The following EFCAB5 variants were observed in gnomAD, a reference collection of about 807,000 sequenced individuals.
EFCAB5 encodes the protein EF-hand calcium binding domain 5, also known as EF-hand calcium-binding domain-containing protein 5.
A neutral mutation model predicts 167.9 loss-of-function variants in EFCAB5; 131 were observed. The observed-to-expected ratio is 0.78, with a 90% confidence interval of 0.68 to 0.90. EFCAB5 has a LOEUF of 0.90. Among genes scored for constraint, EFCAB5 ranks in the 40% least tolerant of loss-of-function variants. EFCAB5 has a pLI of 0.00. For synonymous variants in EFCAB5, 574 were observed against 602.8 expected, an observed-to-expected ratio of 0.95 and a Z score of 0.70; for missense variants, 1,663 against 1,745.2, an observed-to-expected ratio of 0.95 and a Z score of 0.84.
In EFCAB5 at chr17:30,092,116, G is replaced by T. The variant is rs747938047; in HGVS notation, c.4183G>T (p.Glu1395Ter). ...AVILFFHPEL[E>*]FSSDFGSWDK... The stretch of plus-strand genomic sequence containing the variant: ...TATCTTGTTCTTTCATCCAGAGTTG[G>T]AATTTTCAAGTGACTTTGGAAGTTG... The change falls in exon 21 of 23, where the codon GAA (glutamate) becomes TAA (stop). Residue 1395 changes from glutamate (E) to a stop codon, truncating the protein, a stop_gained. Transcript: ENST00000394835. LOFTEE classifies it high-confidence loss of function. 1 of 1,613,730 alleles carries T rather than the reference G, an allele frequency of 6.2e-7. No homozygotes were observed. The highest frequency in any genetic ancestry group is 8.5e-7 in the Non-Finnish European group (1 of 1,179,702).
chr17:30,093,610 T>C (rs2071241558), intron 22 of EFCAB5, among the ~76,000 whole-genome samples: 2 of 152,208 alleles, frequency 1.3e-5, no homozygotes, highest in Non-Finnish European at 2.9e-5. Flanking sequence ...AGTTTCTGGA[T>C]TAACGGGGAA....
At chr17:30,043,922 A>G (rs2069845265) in intron 8 of EFCAB5, among the ~76,000 whole-genome samples, 1 of 152,206 alleles carries the variant, frequency 6.6e-6, no homozygotes, top group African/African-American at 2.4e-5. Flanking sequence ...AGCCAAAACC[A>G]TGTTGACAAA....
intron 22 of EFCAB5, among the ~76,000 whole-genome samples, chr17:30,094,525 A>T (rs560248167): frequency 2.0e-5 from 3 of 150,384 alleles, no homozygotes; most frequent in African/African-American, 7.4e-5. Context: ...AAAAAAAAAA[A>T]AAAAAAAAAT....
At position 30,000,082 on chromosome 17, in the gene EFCAB5, A is replaced by T. The variant is rs569501152; in HGVS notation, c.1044+106A>T. 2.2e-5 allele frequency: 16 copies of T among 742,978 alleles called. No individual in the cohort carries two copies. The African/African-American group carries it at 2.5e-4, about 12-fold the overall frequency. 46.0% of individuals were successfully genotyped at this position (742,978 alleles called of 1,614,324 possible). On this transcript the variant is annotated intron_variant, in intron 7 of 22. Coordinates refer to ENST00000394835, the MANE Select transcript of EFCAB5 (RefSeq NM_198529.4). ...AAATTAGTATTAAATGAAAGCACAA[A>T]ACTTATTTTATACATTCTAAAATAT...
intron 7 of EFCAB5, among the ~76,000 whole-genome samples, chr17:30,016,901 C>A (rs955017365): frequency 3.3e-5 from 5 of 151,976 alleles, no homozygotes; most frequent in African/African-American, 1.2e-4. Context: ...TAACAGCCAG[C>A]CACAGTGGCT....
intron 3 of EFCAB5, among the ~76,000 whole-genome samples, chr17:29,963,061 C>A (rs568070814): frequency 4.6e-5 from 7 of 152,162 alleles, no homozygotes; most frequent in African/African-American, 1.7e-4. Flanking sequence ...CCCACCTTAG[C>A]CCCCCAAGTA....
At position 30,053,680 on chromosome 17, in the gene EFCAB5, C is replaced by A. The variant is rs1268504543; in HGVS notation, c.1726C>A (p.Gln576Lys). The A allele has an allele frequency of 6.2e-7, 1 of 1,613,826 alleles. No individual in the cohort carries two copies. Among genetic ancestry groups the A allele is most frequent in the African/African-American group, 1.3e-5 (1 of 74,890 alleles). The change falls in exon 10 of 23, where the codon CAA becomes AAA. Residue 576 changes from glutamine (Q) to lysine (K), a missense_variant. Transcript: ENST00000394835. ...QETHRESTTE[Q>K]GQHKGSIEGQ... ...AACACACAGAGAGTCAACTACAGAA[C>A]AAGGACAGCACAAAGGGTCAATAGA...
At chr17:30,042,561 A>G (rs183677196) in intron 8 of EFCAB5, among the ~76,000 whole-genome samples, 2 of 152,314 alleles carry the variant, frequency 1.3e-5, no homozygotes, top group Admixed American at 1.3e-4. Context: ...AATTCCTTAA[A>G]AGACACAAAT....
At chr17:30,042,186 T>C (rs2069792230) in intron 8 of EFCAB5, among the ~76,000 whole-genome samples, 1 of 152,066 alleles carries the variant, frequency 6.6e-6, no homozygotes, top group African/African-American at 2.4e-5. Context: ...TTTTTGTATT[T>C]TTAATAGAGA....
At chr17:29,930,985 A>T (rs897491247) in intron 1 of EFCAB5, among the ~76,000 whole-genome samples, 4 of 152,142 alleles carry the variant, frequency 2.6e-5, no homozygotes, top group African/African-American at 4.8e-5. Flanking sequence ...CTTCGTCTCT[A>T]AATGTCATTC....
At chr17:29,992,705 G>A (rs1441144279) in intron 4 of EFCAB5, among the ~76,000 whole-genome samples, 1 of 152,174 alleles carries the variant, frequency 6.6e-6, no homozygotes, top group Non-Finnish European at 1.5e-5. Flanking sequence ...GGACACTTAG[G>A]TTGGTTCTAT....
At chr17:29,945,132 A>AC (rs1161589253) in intron 3 of EFCAB5, among the ~76,000 whole-genome samples, 1 of 152,170 alleles carries the variant, frequency 6.6e-6, no homozygotes, top group Non-Finnish European at 1.5e-5. Context: ...TGAAATCCAT[A>AC]CCACCAGAAA....
intron 7 of EFCAB5, among the ~76,000 whole-genome samples, chr17:30,025,173 C>A (rs1189500885): frequency 1.3e-5 from 2 of 151,838 alleles, no homozygotes; most frequent in South Asian, 2.1e-4. Context: ...CAAATGGGAT[C>A]TAATTAAACT....
intron 7 of EFCAB5, among the ~76,000 whole-genome samples, chr17:30,008,351 G>A (rs2068818608): frequency 6.6e-6 from 1 of 152,162 alleles, no homozygotes; most frequent in Admixed American, 6.5e-5. Flanking sequence ...CCAGCACTTT[G>A]GGAGGCCGAG....
rs553838742 is a variant in EFCAB5, at chr17:30,007,639, C to A, written c.1044+7663C>A. ...CTTCTAAACAGGAAGTCCAAACAAT[C>A]ATATTTCCATAATTCCAAGATGAGT... is the stretch of plus-strand genomic sequence containing the variant. On this transcript the variant is annotated intron_variant, in intron 7 of 22. Transcript: ENST00000394835. Among the ~76,000 whole-genome samples the A allele has an allele frequency of 2.6e-5, 4 of 152,286 alleles. No individual in the cohort carries two copies. In the East Asian group the frequency reaches 7.7e-4, roughly 29 times the overall value.
rs117692925 is a variant in EFCAB5, at chr17:29,978,605, T to C, written c.767+9238T>C. Among the ~76,000 whole-genome samples the C allele has an allele frequency of 1.8e-3, 279 of 152,328 alleles. 1 individual carries two copies. Among genetic ancestry groups the C allele is most frequent in the Admixed American group, 8.7e-3 (133 of 15,306 alleles). On this transcript the variant is annotated intron_variant, in intron 4 of 22. Coordinates refer to ENST00000394835, the MANE Select transcript of EFCAB5 (RefSeq NM_198529.4). ...GAGTCTCTGGTTTGCTTCAATGATA[T>C]AGAATGTTCCTAATGTTAGAGACTG...
At chr17:30,011,488 T>A (rs2068900370) in intron 7 of EFCAB5, among the ~76,000 whole-genome samples, 1 of 152,234 alleles carries the variant, frequency 6.6e-6, no homozygotes, top group Non-Finnish European at 1.5e-5. Context: ...CATTGAGCAG[T>A]GGTTTGTGGT....
At chr17:30,032,562 A>T (rs1372068057) in intron 7 of EFCAB5, among the ~76,000 whole-genome samples, 3 of 152,214 alleles carry the variant, frequency 2.0e-5, no homozygotes, top group African/African-American at 7.2e-5. Flanking sequence ...ACATTATTCA[A>T]CTGGGAGTCT....
chr17:30,010,681 G>GT (rs1430097982), intron 7 of EFCAB5, among the ~76,000 whole-genome samples: 2 of 152,170 alleles, frequency 1.3e-5, no homozygotes, highest in African/African-American at 4.8e-5. Context: ...ATTTGTTTAA[G>GT]TTTTTTGTAG....
Sources: allele counts gnomAD v4.1 joint callset (sites outside exome capture counted in the v4.1 genomes callset), GRCh38; gene constraint gnomAD v4.1.1; transcripts MANE v1.5; gene names NCBI Gene and HGNC (gene_info 2026-07-23, HGNC 2026-07-21).